The following GABRA3 variants were observed in gnomAD, a reference collection of about 807,000 sequenced individuals.
GABRA3 encodes gamma-aminobutyric acid receptor subunit alpha-3.
Under a neutral mutation model 30.1 loss-of-function variants are expected in GABRA3, and 10 were observed. That is an observed-to-expected ratio of 0.33 (90% CI 0.20 to 0.56). GABRA3 has a LOEUF of 0.56. GABRA3 is among the 20% of genes least tolerant of loss of function. GABRA3 has a pLI of 0.89. For missense variants in GABRA3, 233 were observed against 392.0 expected (o/e 0.59, Z 3.42); for synonymous variants, 151 against 146.8 (o/e 1.03, Z -0.21).
chrX:152,199,443 T>C (rs1193035884), intron 7 of GABRA3, among the ~76,000 whole-genome samples: 1 of 108,930 alleles, frequency 9.2e-6, no homozygotes, highest in Non-Finnish European at 1.9e-5. Context: ...TGCCAAAGAT[T>C]ACAGCCACCA....
chrX:152,417,220 T>C (rs1399288209), intron 1 of GABRA3, among the ~76,000 whole-genome samples: 1 of 89,419 alleles, frequency 1.1e-5, no homozygotes, highest in Non-Finnish European at 2.1e-5. Context: ...GCGAAGGACA[T>C]GAACAGACAC....
chrX:152,266,751 C>T (rs1291616768), intron 4 of GABRA3, among the ~76,000 whole-genome samples: 1 of 110,379 alleles, frequency 9.1e-6, no homozygotes, highest in African/African-American at 3.3e-5. Flanking sequence ...CCTTATAGCA[C>T]TGAAAAAAAA....
intron 5 of GABRA3, chrX:152,250,493 A>G (rs1277446422): frequency 9.0e-6 from 1 of 111,711 alleles, no homozygotes; most frequent in Admixed American, 9.6e-5. Flanking sequence ...TTTATATACA[A>G]CGAACATGTT....
chrX:152,325,552 T>G (rs1940040603), intron 3 of GABRA3, among the ~76,000 whole-genome samples: 1 of 112,091 alleles, frequency 8.9e-6, no homozygotes, highest in Non-Finnish European at 1.9e-5. Context: ...TTTGCTGTTC[T>G]GCAGCCTCTG....
At chrX:152,280,463 A>G (rs186811071) in intron 4 of GABRA3, among the ~76,000 whole-genome samples, 1 of 111,445 alleles carries the variant, frequency 9.0e-6, no homozygotes, top group African/African-American at 3.3e-5. Flanking sequence ...TTTCAATTCT[A>G]CTGCCACCAG....
intron 7 of GABRA3, among the ~76,000 whole-genome samples, chrX:152,206,099 T>A (rs1437154401): frequency 8.9e-6 from 1 of 112,699 alleles, no homozygotes; most frequent in African/African-American, 3.2e-5. Flanking sequence ...TGATGCCAGG[T>A]GGGCAGTGCC....
At chrX:152,234,751 C>T (rs1961170) in intron 5 of GABRA3, among the ~76,000 whole-genome samples, 2,907 of 111,270 alleles carry the variant, frequency 0.026, 122 homozygotes, top group Admixed American at 0.15. Flanking sequence ...TGTATGTTTC[C>T]GTTGATTTTC....
intron 5 of GABRA3, among the ~76,000 whole-genome samples, chrX:152,241,607 G>A (rs1216396004): frequency 5.8e-4 from 64 of 109,586 alleles, no homozygotes; most frequent in African/African-American, 2.1e-3. Context: ...CCCCAGCCTC[G>A]CTGCTGCTTT....
At chrX:152,188,898 A>T (rs1937289131) in intron 9 of GABRA3, among the ~76,000 whole-genome samples, 2 of 111,937 alleles carry the variant, frequency 1.8e-5, no homozygotes, top group Admixed American at 9.5e-5. Context: ...ACCTGAACTT[A>T]TTTAAAGCAG....
chrX:152,410,337 T>C (rs1930038658), intron 1 of GABRA3, among the ~76,000 whole-genome samples: 1 of 111,161 alleles, frequency 9.0e-6, no homozygotes, highest in Admixed American at 9.6e-5. Context: ...AACAATAATT[T>C]ATCGTGTATT....
intron 2 of GABRA3, among the ~76,000 whole-genome samples, chrX:152,352,934 G>A (rs189007642): frequency 4.4e-4 from 49 of 110,736 alleles, no homozygotes; most frequent in African/African-American, 1.5e-3. Context: ...CATTTTTCAA[G>A]TCCAGTCTTT....
At chrX:152,385,128 T>A (rs773154561) in intron 1 of GABRA3, among the ~76,000 whole-genome samples, 10 of 111,782 alleles carry the variant, frequency 8.9e-5, no homozygotes, top group African/African-American at 3.2e-4. Context: ...TTGGCAAGAA[T>A]AATGAAGCAC....
chrX:152,228,931 A>G (rs1039547451), intron 5 of GABRA3, among the ~76,000 whole-genome samples: 2 of 111,468 alleles, frequency 1.8e-5, no homozygotes, highest in African/African-American at 3.3e-5. Flanking sequence ...AAAAAAAGAA[A>G]TCAAAGTCTT....
chrX:152,337,947 C>T (rs918839470), intron 3 of GABRA3, among the ~76,000 whole-genome samples: 1 of 112,514 alleles, frequency 8.9e-6, no homozygotes, highest in African/African-American at 3.2e-5. Context: ...TTAATGGGCA[C>T]TTAGGTCGAT....
chrX:152,340,461 C>T (rs1292119664), intron 3 of GABRA3, among the ~76,000 whole-genome samples: 1 of 112,356 alleles, frequency 8.9e-6, no homozygotes, highest in African/African-American at 3.2e-5. Context: ...TGTATAGATC[C>T]AGATTTCTAT....
chrX:152,169,294 G>A (rs1001532990), intron 9 of GABRA3, among the ~76,000 whole-genome samples: 1 of 112,383 alleles, frequency 8.9e-6, no homozygotes, highest in Non-Finnish European at 1.9e-5. Flanking sequence ...CAGTGTAACT[G>A]TTCAGCAAGC....
At chrX:152,215,741 G>A (rs1321119108) in intron 6 of GABRA3, among the ~76,000 whole-genome samples, 2 of 111,550 alleles carry the variant, frequency 1.8e-5, no homozygotes, top group Non-Finnish European at 3.8e-5. Context: ...AAGCAAAGTA[G>A]AGATATGGAA....
At chrX:152,407,028 A>T (rs927367156) in intron 1 of GABRA3, among the ~76,000 whole-genome samples, 2 of 112,363 alleles carry the variant, frequency 1.8e-5, no homozygotes, top group African/African-American at 3.2e-5. Context: ...AAAGATTTTT[A>T]AAAAATTCTT....
intron 3 of GABRA3, among the ~76,000 whole-genome samples, chrX:152,305,425 A>G (rs888963935): frequency 1.8e-5 from 2 of 111,087 alleles, no homozygotes; most frequent in African/African-American, 6.5e-5. Context: ...AAATGTAAAA[A>G]AAAAAAAAAA....
Sources: gnomAD v4.1 joint callset for allele counts (sites outside exome capture counted in the v4.1 genomes callset) on GRCh38, gnomAD v4.1.1 for gene constraint, MANE v1.5 for transcripts, NCBI Gene and HGNC (gene_info 2026-07-23, HGNC 2026-07-21) for gene names.